The following AMOT variants were observed in gnomAD, a reference collection of about 807,000 sequenced individuals.
AMOT encodes angiomotin.
In AMOT, 11 loss-of-function variants were observed where a neutral mutation model predicts 67.0. The observed-to-expected ratio is 0.16, with a 90% CI of 0.10 to 0.27. The LOEUF is 0.27. Ranked by LOEUF, AMOT falls within the 10% of genes least tolerant of loss-of-function variation. AMOT has a pLI of 1.00. For synonymous variants in AMOT, 326 were observed against 321.4 expected, an observed-to-expected ratio of 1.01 and a Z score of -0.15; for missense variants, 753 against 852.0, an observed-to-expected ratio of 0.88 and a Z score of 1.45.
intron 10 of AMOT, among the ~76,000 whole-genome samples, chrX:112,785,486 T>G (rs188812665): frequency 8.9e-6 from 1 of 112,130 alleles, no homozygotes; most frequent in African/African-American, 3.2e-5. Flanking sequence ...GGGAAAGGCA[T>G]GGATAAGACT....
intron 8 of AMOT, among the ~76,000 whole-genome samples, chrX:112,796,533 A>C (rs1462589706): frequency 2.7e-5 from 3 of 111,845 alleles, no homozygotes; most frequent in African/African-American, 9.8e-5. Context: ...CATCTATTAA[A>C]GTTTTCTTAC....
chrX:112,832,006 C>G (rs1162711204), intron 2 of AMOT, among the ~76,000 whole-genome samples: 3 of 111,327 alleles, frequency 2.7e-5, no homozygotes, highest in African/African-American at 6.5e-5. Flanking sequence ...AAGAAGTTAA[C>G]TCTCACCTTT....
intron 2 of AMOT, among the ~76,000 whole-genome samples, chrX:112,828,644 G>C (rs73636632): frequency 0.048 from 5,271 of 110,337 alleles, 312 homozygotes; most frequent in African/African-American, 0.17. Flanking sequence ...AACTGGAAAG[G>C]GAGACCACCT....
intron 10 of AMOT, among the ~76,000 whole-genome samples, chrX:112,787,984 C>G (rs1933427306): frequency 9.0e-6 from 1 of 111,327 alleles, no homozygotes; most frequent in Admixed American, 9.6e-5. Context: ...AGCCAATATC[C>G]TAGACACTTG....
rs1052749395 is a variant in AMOT at position 112,823,988 on chromosome X, C to A, written c.-62-800G>T. On this transcript the variant is annotated intron_variant, in intron 3 of 13. Coordinates refer to ENST00000371959, the MANE Select transcript of AMOT (RefSeq NM_001113490.2). ...AGAAATTGAAAAATATAAAGATCATCCTTCTGGAAAGGGTATACGATTAGC... is the reference window on the plus strand; with the variant it reads ...AGAAATTGAAAAATATAAAGATCATACTTCTGGAAAGGGTATACGATTAGC... Among the ~76,000 whole-genome samples the A allele has an allele frequency of 4.5e-5, 5 of 111,932 alleles. No individual in the cohort carries two copies. In the East Asian group the frequency reaches 1.4e-3, roughly 31 times the overall value.
chrX:112,834,526 T>G (rs898171146), intron 1 of AMOT, among the ~76,000 whole-genome samples: 3 of 111,870 alleles, frequency 2.7e-5, no homozygotes, highest in Admixed American at 9.5e-5. Flanking sequence ...CTTGGCCACA[T>G]TTATATTTCA....
chrX:112,815,718 G>A lies in AMOT; in HGVS notation c.1032C>T (p.Asp344=), dbSNP rs1367445424. Residue 344 remains aspartate (D), a synonymous_variant, in exon 5 of 14, where the codon GAC becomes GAT. Transcript: ENST00000371959. ...GCGGCCTAGGCAGGTGAGCTGAATG[G>A]TCTCCCTGGTTTGGGACCAAGGGGT... ...ARHPLVPNQG[D]HSAHLPRPQQ... 3 of 1,168,070 alleles carry A rather than the reference G, an allele frequency of 2.6e-6. No homozygotes were observed. The highest frequency in any genetic ancestry group is 3.8e-5 in the South Asian group (2 of 52,775).
intron 1 of AMOT, among the ~76,000 whole-genome samples, chrX:112,833,487 G>A (rs1218842652): frequency 9.8e-6 from 1 of 101,877 alleles, no homozygotes; most frequent in Non-Finnish European, 2.0e-5. Context: ...AAGGGGGGGG[G>A]GGGGTCATCA....
At chrX:112,838,891 C>T (rs905537158) in intron 1 of AMOT, among the ~76,000 whole-genome samples, 1 of 111,989 alleles carries the variant, frequency 8.9e-6, no homozygotes, top group Non-Finnish European at 1.9e-5. Flanking sequence ...TCAATGACGC[C>T]GGATAAACCC....
At chrX:112,808,470 C>T (rs1265385804) in intron 7 of AMOT, among the ~76,000 whole-genome samples, 3 of 111,825 alleles carry the variant, frequency 2.7e-5, no homozygotes, top group Non-Finnish European at 5.6e-5. Flanking sequence ...CCATACAGGA[C>T]CCTGTCAGTG....
intron 8 of AMOT, among the ~76,000 whole-genome samples, chrX:112,798,633 G>A (rs1241459320): frequency 8.9e-6 from 1 of 112,195 alleles, no homozygotes; most frequent in African/African-American, 3.2e-5. Flanking sequence ...AATGAGCATA[G>A]TATAGCTTAT....
At chrX:112,790,056 G>A (rs899059767) in intron 10 of AMOT, among the ~76,000 whole-genome samples, 3 of 102,006 alleles carry the variant, frequency 2.9e-5, no homozygotes, top group Non-Finnish European at 3.9e-5. Context: ...AAATGTGACC[G>A]CTCACGCACG....
chrX:112,823,135 C>A lies in AMOT; in HGVS notation c.-9G>T, dbSNP rs1290163891. 7 of 1,144,948 alleles carry A rather than the reference C, an allele frequency of 6.1e-6. No homozygotes were observed. The highest frequency in any genetic ancestry group is 7.0e-6 in the Non-Finnish European group (6 of 859,829). The allele number at this position is 1,144,948 out of a possible 1,213,427, so 94.4% of individuals were successfully genotyped here. Reference sequence around the variant, plus strand: ...TCTTCAGAATTTCTCATCTCTATTGCTGGTGGTGCCTTGTGAAGAGAGAGA... The same window carrying A: ...TCTTCAGAATTTCTCATCTCTATTGATGGTGGTGCCTTGTGAAGAGAGAGA... On this transcript the variant is annotated 5_prime_UTR_variant, in exon 4 of 14. Coordinates refer to ENST00000371959, the MANE Select transcript of AMOT (RefSeq NM_001113490.2).
At chrX:112,816,878 G>A (rs1173058559) in intron 4 of AMOT, among the ~76,000 whole-genome samples, 1 of 111,746 alleles carries the variant, frequency 8.9e-6, no homozygotes, top group East Asian at 2.8e-4. Flanking sequence ...CTAATTACCA[G>A]GTACAAAATG....
intron 8 of AMOT, 31 bp downstream of exon 8, chrX:112,804,916 C>CCCCG: frequency 8.4e-7 from 1 of 1,190,671 alleles, no homozygotes; most frequent in Non-Finnish European, 1.1e-6. Context: ...CTCCCACCCC[C>CCCCG]AGGCTCATAT....
Position 112,776,103 on chromosome X carries a change from T to C in AMOT, c.*2464A>G, listed in dbSNP as rs1004984195. On this transcript the variant is annotated 3_prime_UTR_variant, in exon 14 of 14. Coordinates refer to ENST00000371959, the MANE Select transcript of AMOT (RefSeq NM_001113490.2). ...AAACTGAACAGAGAAGAACTGTCTC[T>C]GGTGTGAGAGGGTTCTGGAAAGTTC... is the stretch of plus-strand genomic sequence containing the variant. 19 of 112,361 alleles carry C rather than the reference T, an allele frequency of 1.7e-4. 1 individual carries two copies. The highest frequency in any genetic ancestry group is 1.5e-3 in the Admixed American group (16 of 10,608). 9.3% of individuals were successfully genotyped at this position (112,361 alleles called of 1,213,427 possible). A position where few individuals can be genotyped will look rare whatever the true frequency, so the allele number is the denominator to read the frequency against.
At chrX:112,818,367 T>C (rs1173662201) in intron 4 of AMOT, among the ~76,000 whole-genome samples, 1 of 110,952 alleles carries the variant, frequency 9.0e-6, no homozygotes, top group East Asian at 2.8e-4. Flanking sequence ...GAGGAGACCA[T>C]GAGGTCTCCA....
chrX:112,815,478 T>G lies in AMOT; in HGVS notation c.1272A>C (p.Pro424=). The G allele has an allele frequency of 8.3e-7, 1 of 1,211,575 alleles. No individual in the cohort carries two copies. The highest frequency in any genetic ancestry group is 1.1e-6 in the Non-Finnish European group (1 of 895,542). The part of the protein sequence containing the change: ...QPSSASYQPV[P]ADPFAIVSRA... ...TGGAAACAATGGCAAAAGGGTCTGC[T>G]GGCACTGGCTGATAAGAAGCAGAGG... The change falls in exon 5 of 14, where the codon CCA becomes CCC. Residue 424 remains proline (P), a synonymous_variant. Transcript: ENST00000371959.
rs1341558920 is a variant in AMOT at position 112,812,048 on chromosome X, C to T, written c.1393-655G>A. On this transcript the variant is annotated intron_variant, in intron 5 of 13. Coordinates refer to ENST00000371959, the MANE Select transcript of AMOT (RefSeq NM_001113490.2). ...GCCCTCAGGGAGGTTTCAATCCAAT[C>T]GAATGAAAGACTATAGGGCAAGATA... Among the ~76,000 whole-genome samples, 3 of 111,680 alleles carry T rather than the reference C, an allele frequency of 2.7e-5. No homozygotes were observed. The East Asian group carries it at 8.4e-4, about 31-fold the overall frequency.
Sources: allele counts gnomAD v4.1 joint callset (sites outside exome capture counted in the v4.1 genomes callset), GRCh38; gene constraint gnomAD v4.1.1; transcripts MANE v1.5; gene names NCBI Gene and HGNC (gene_info 2026-07-23, HGNC 2026-07-21).